The following GALNTL6 variants were observed in gnomAD, a reference collection of about 807,000 sequenced individuals.
GALNTL6 encodes polypeptide N-acetylgalactosaminyltransferase like 6.
GALNTL6 carries 46 observed loss-of-function variants against 73.7 expected under a neutral mutation model. The ratio of observed to expected loss-of-function variants is 0.62; its 90% CI spans 0.49 to 0.80. The LOEUF (loss-of-function observed/expected upper bound fraction) is 0.80, where lower values mean the gene tolerates loss of function less well. Ranked by LOEUF, GALNTL6 falls within the 30% of genes least tolerant of loss-of-function variation. GALNTL6 has a pLI of 0.00. For missense variants in GALNTL6, 604 were observed against 755.0 expected, an observed-to-expected ratio of 0.80 and a Z score of 2.34; for synonymous variants, 259 against 263.7, an observed-to-expected ratio of 0.98 and a Z score of 0.17.
intron 7 of GALNTL6, among the ~76,000 whole-genome samples, chr4:172,860,673 G>A (rs1163529226): frequency 2.9e-4 from 44 of 152,274 alleles, no homozygotes; most frequent in African/African-American, 1.0e-3. Flanking sequence ...ATGCTTATAA[G>A]TGAAGTAAGA....
At chr4:172,617,722 C>T (rs1738796047) in intron 5 of GALNTL6, among the ~76,000 whole-genome samples, 1 of 152,064 alleles carries the variant, frequency 6.6e-6, no homozygotes, top group African/African-American at 2.4e-5. Context: ...ACCTCATGAT[C>T]TACCCGCCTC....
chr4:172,169,208 A>G (rs1256577037), intron 2 of GALNTL6, among the ~76,000 whole-genome samples: 1 of 152,188 alleles, frequency 6.6e-6, no homozygotes, highest in Admixed American at 6.5e-5. Flanking sequence ...GATTTGCCCT[A>G]AGAGAGAACA....
intron 2 of GALNTL6, among the ~76,000 whole-genome samples, chr4:172,228,338 T>G (rs1355110668): frequency 1.3e-5 from 2 of 152,144 alleles, no homozygotes; most frequent in Admixed American, 1.3e-4. Context: ...TTTTCTGAGC[T>G]CACCAATATT....
At position 172,524,065 on chromosome 4, in the gene GALNTL6, G is replaced by A. The variant is rs116491912; in HGVS notation, c.553+175376G>A. ...CTGAATATGTTTATAGTTTTACTAC[G>A]TAAGCACATATGTCTATAATCTATC... On this transcript the variant is annotated intron_variant, in intron 5 of 12. Coordinates refer to ENST00000506823, the MANE Select transcript of GALNTL6 (RefSeq NM_001034845.3). Among the ~76,000 whole-genome samples, 1,331 of 152,104 alleles carry A rather than the reference G, an allele frequency of 8.8e-3. 12 individuals are homozygous for A. The highest frequency in any genetic ancestry group is 0.039 in the East Asian group (203 of 5,166).
At chr4:172,118,072 A>C (rs1488417260) in intron 2 of GALNTL6, among the ~76,000 whole-genome samples, 1 of 152,210 alleles carries the variant, frequency 6.6e-6, no homozygotes, top group Non-Finnish European at 1.5e-5. Flanking sequence ...ACCTTCAGGA[A>C]AAACAACTGT....
rs184568444 is a variant in GALNTL6, at chr4:171,877,720, G to A, written c.138+63002G>A. On this transcript the variant is annotated intron_variant, in intron 2 of 12. Coordinates refer to ENST00000506823, the MANE Select transcript of GALNTL6 (RefSeq NM_001034845.3). The stretch of plus-strand genomic sequence containing the variant: ...ATGTTAATATTGGTGATGCTTTTCC[G>A]GAAACGGAACTGCTTGACCTCTTTC... 4.9e-3 allele frequency among the ~76,000 whole-genome samples: 743 copies of A among 151,952 alleles called. 6 individuals are homozygous for A. Among genetic ancestry groups the A allele is most frequent in the African/African-American group, 0.017 (716 of 41,462 alleles).
At chr4:172,222,758 T>C (rs1736724265) in intron 2 of GALNTL6, among the ~76,000 whole-genome samples, 1 of 151,978 alleles carries the variant, frequency 6.6e-6, no homozygotes, top group Non-Finnish European at 1.5e-5. Flanking sequence ...GCTATTCAGA[T>C]ACTGATATAA....
chr4:172,665,122 T>G (rs140141514), intron 5 of GALNTL6, among the ~76,000 whole-genome samples: 2 of 152,236 alleles, frequency 1.3e-5, no homozygotes, highest in East Asian at 3.9e-4. Context: ...CTAACCTCCT[T>G]CTTACTTCCA....
intron 2 of GALNTL6, among the ~76,000 whole-genome samples, chr4:171,930,570 C>T (rs778746944): frequency 4.6e-5 from 7 of 152,284 alleles, no homozygotes; most frequent in Non-Finnish European, 7.4e-5. Flanking sequence ...CATGGTGGCT[C>T]ATGCCTGTAA....
chr4:172,040,632 T>G (rs1742059918), intron 2 of GALNTL6, among the ~76,000 whole-genome samples: 1 of 152,234 alleles, frequency 6.6e-6, no homozygotes, highest in African/African-American at 2.4e-5. Context: ...TACATCATTT[T>G]GATTAATTCT....
In GALNTL6 at chr4:171,952,006, C is replaced by T. The variant is rs568027378; in HGVS notation, c.138+137288C>T. Among the ~76,000 whole-genome samples, 14 of 151,648 alleles carry T rather than the reference C, an allele frequency of 9.2e-5. 1 individual carries two copies. In the South Asian group the frequency reaches 2.3e-3, roughly 25 times the overall value. ...AAAGAAATAATGAGTATAAAGTCAG[C>T]AATTAATGAAATAGAATACAAAGTG... On this transcript the variant is annotated intron_variant, in intron 2 of 12. Coordinates refer to ENST00000506823, the MANE Select transcript of GALNTL6 (RefSeq NM_001034845.3).
intron 8 of GALNTL6, among the ~76,000 whole-genome samples, chr4:172,905,920 G>C (rs1746867158): frequency 6.6e-6 from 1 of 151,408 alleles, no homozygotes; most frequent in Admixed American, 6.6e-5. Context: ...CTATAAGGAA[G>C]GATATCATAT....
At chr4:173,027,390 A>G (rs183953933) in intron 12 of GALNTL6, among the ~76,000 whole-genome samples, 1 of 152,374 alleles carries the variant, frequency 6.6e-6, no homozygotes, top group East Asian at 1.9e-4. Flanking sequence ...TTGATCAATC[A>G]CCATTTATTT....
At chr4:172,991,669 A>G (rs892151197) in intron 10 of GALNTL6, among the ~76,000 whole-genome samples, 4 of 152,128 alleles carry the variant, frequency 2.6e-5, no homozygotes, top group African/African-American at 9.7e-5. Context: ...CAGCCTCCCA[A>G]AGTGCTAGGA....
intron 2 of GALNTL6, among the ~76,000 whole-genome samples, chr4:172,103,379 G>A (rs571787326): frequency 2.0e-5 from 3 of 152,138 alleles, no homozygotes; most frequent in Non-Finnish European, 4.4e-5. Context: ...CAGACACTAT[G>A]TGAGTCTAAA....
At position 173,040,129 on chromosome 4, in the gene GALNTL6, C is replaced by T; in HGVS notation, c.*29C>T. The T allele has an allele frequency of 6.5e-7, 1 of 1,542,826 alleles. No homozygotes were observed. The highest frequency in any genetic ancestry group is 2.3e-5 in the East Asian group (1 of 43,938). On this transcript the variant is annotated 3_prime_UTR_variant, in exon 13 of 13. Transcript: ENST00000506823. ...GAAGAAAGGAAGAAAGAGTGATTAC[C>T]TACAGGTTATAAATTAAATTTTAGC...
chr4:172,312,463 T>A (rs914124330), intron 4 of GALNTL6, among the ~76,000 whole-genome samples: 2 of 151,942 alleles, frequency 1.3e-5, no homozygotes, highest in African/African-American at 4.9e-5. Context: ...GGATACTAAC[T>A]GAGAACATGG....
intron 2 of GALNTL6, among the ~76,000 whole-genome samples, chr4:171,990,691 C>A (rs181149294): frequency 9.9e-4 from 150 of 152,052 alleles, no homozygotes; most frequent in Admixed American, 3.1e-3. Context: ...ATTATACAAA[C>A]TAAAAAGTCA....
At chr4:172,621,693 T>C (rs1276635212) in intron 5 of GALNTL6, among the ~76,000 whole-genome samples, 1 of 152,220 alleles carries the variant, frequency 6.6e-6, no homozygotes, top group Non-Finnish European at 1.5e-5. Flanking sequence ...AAACTAATTT[T>C]CATTTGCTCT....
Sources: allele counts gnomAD v4.1 joint callset (sites outside exome capture counted in the v4.1 genomes callset), GRCh38; gene constraint gnomAD v4.1.1; transcripts MANE v1.5; gene names NCBI Gene and HGNC (gene_info 2026-07-23, HGNC 2026-07-21).